NAALADL2: variants seen among roughly 807,000 people sequenced by gnomAD.
NAALADL2 encodes the protein N-acetylated alpha-linked acidic dipeptidase like 2.
In NAALADL2, 76 loss-of-function variants were observed where a neutral mutation model predicts 87.2. That is an observed-to-expected ratio of 0.87 (90% CI 0.72 to 1.05). The LOEUF is 1.05. Ranked by LOEUF, NAALADL2 falls within the 50% of genes least tolerant of loss-of-function variation. The pLI is 0.00. For synonymous variants in NAALADL2, 354 were observed against 331.0 expected (o/e 1.07, Z -0.75); for missense variants, 1,089 against 945.8 (o/e 1.15, Z -1.99).
chr3:175,107,152 G>A (rs1186084095), intron 2 of NAALADL2, among the ~76,000 whole-genome samples: 1 of 151,930 alleles, frequency 6.6e-6, no homozygotes, highest in Non-Finnish European at 1.5e-5. Flanking sequence ...TAGCAACTAG[G>A]CTAATACATG....
rs1022551381 is a variant in NAALADL2 at position 175,804,025 on chromosome 3, C to T, written c.*822C>T. ...TCTGTTGGAAACACTGAAGCAGGGACTCTAAAATGAAAGCATCTCACATTG... is the reference window on the plus strand; with the variant it reads ...TCTGTTGGAAACACTGAAGCAGGGATTCTAAAATGAAAGCATCTCACATTG... On this transcript the variant is annotated 3_prime_UTR_variant, in exon 14 of 14. Transcript: ENST00000454872. The T allele has an allele frequency of 3.3e-5, 5 of 152,040 alleles. No homozygotes were observed. The highest frequency in any genetic ancestry group is 5.9e-5 in the Non-Finnish European group (4 of 67,854). 9.4% of individuals were successfully genotyped at this position (152,040 alleles called of 1,614,324 possible).
chr3:175,602,495 ATG>A (rs10557737), intron 10 of NAALADL2, among the ~76,000 whole-genome samples: 1,747 of 151,332 alleles, frequency 0.012, 31 homozygotes, highest in African/African-American at 0.04. Context: ...GCTAAATATA[ATG>A]TGTGTGTGTA....
intron 2 of NAALADL2, among the ~76,000 whole-genome samples, chr3:174,725,752 A>G: frequency 6.6e-6 from 1 of 152,224 alleles, no homozygotes; most frequent in East Asian, 1.9e-4. Flanking sequence ...TGCCAGAAAC[A>G]TTTCAGAAAT....
chr3:175,072,235 T>A (rs944579730), intron 1 of NAALADL2, among the ~76,000 whole-genome samples: 1 of 152,108 alleles, frequency 6.6e-6, no homozygotes, highest in Non-Finnish European at 1.5e-5. Flanking sequence ...ATTCACATGT[T>A]TATCCTGCCA....
Position 174,504,166 on chromosome 3 carries a change from A to G in NAALADL2, c.-183-46403A>G, listed in dbSNP as rs1209512808. Among the ~76,000 whole-genome samples, 3 of 152,150 alleles carry G rather than the reference A, an allele frequency of 2.0e-5. No homozygotes were observed. The East Asian group carries it at 5.8e-4, about 29-fold the overall frequency. ...ATATTTTGCCAGTGGTTGGACAAAT[A>G]AAGATCAGGTAAAAGATTCATTTGT... On this transcript the variant is annotated intron_variant, in intron 1 of 3. Transcript: ENST00000434257.
chr3:174,955,185 A>G (rs1252911815), intron 1 of NAALADL2, among the ~76,000 whole-genome samples: 2 of 152,052 alleles, frequency 1.3e-5, no homozygotes, highest in East Asian at 1.9e-4. Flanking sequence ...CTACTTATAC[A>G]TAAACTTTTC....
At chr3:175,680,959 A>G (rs1348436413) in intron 11 of NAALADL2, among the ~76,000 whole-genome samples, 2 of 152,080 alleles carry the variant, frequency 1.3e-5, no homozygotes, top group African/African-American at 4.8e-5. Context: ...CTAACATACA[A>G]AAAATTAGCT....
At chr3:174,599,821 T>C (rs1322558231) in intron 2 of NAALADL2, among the ~76,000 whole-genome samples, 4 of 152,112 alleles carry the variant, frequency 2.6e-5, no homozygotes, top group African/African-American at 9.7e-5. Flanking sequence ...AAATCCCTGG[T>C]ATTTGACCTG....
At chr3:175,261,571 GC>G (rs1751047735) in intron 4 of NAALADL2, among the ~76,000 whole-genome samples, 1 of 151,844 alleles carries the variant, frequency 6.6e-6, no homozygotes, top group Non-Finnish European at 1.5e-5. Flanking sequence ...AAACTCTATT[GC>G]TTTTTTTTAT....
intron 5 of NAALADL2, among the ~76,000 whole-genome samples, chr3:175,325,423 C>T (rs374218246): frequency 3.0e-4 from 45 of 152,254 alleles, no homozygotes; most frequent in African/African-American, 1.1e-3. Context: ...CATGTCTTAT[C>T]GTTACAATTT....
chr3:174,627,704 G>T (rs955101259), intron 2 of NAALADL2, among the ~76,000 whole-genome samples: 6 of 152,184 alleles, frequency 3.9e-5, no homozygotes, highest in Non-Finnish European at 8.8e-5. Context: ...ATCAACAGAT[G>T]ACTGGATTAA....
rs549265563 is a variant in NAALADL2 at position 175,237,785 on chromosome 3, TC to T, written c.819+3582del. Among the ~76,000 whole-genome samples, 7 of 152,304 alleles carry T rather than the reference TC, an allele frequency of 4.6e-5. No individual in the cohort carries two copies. In the South Asian group the frequency reaches 1.4e-3, roughly 32 times the overall value. On this transcript the variant is annotated intron_variant, in intron 3 of 13. Transcript: ENST00000454872. ...TAACAATGGCCTTTTGTGTTGTTTTTCTGGGCATGTTGTATGACAATTTCTA... is the reference window on the plus strand; with the variant it reads ...TAACAATGGCCTTTTGTGTTGTTTTTTGGGCATGTTGTATGACAATTTCTA...
At chr3:175,191,564 CT>C (rs1738211432) in intron 2 of NAALADL2, among the ~76,000 whole-genome samples, 1 of 152,112 alleles carries the variant, frequency 6.6e-6, no homozygotes, top group Admixed American at 6.5e-5. Flanking sequence ...AAAGCACCCC[CT>C]GAATGATATA....
At chr3:174,882,595 A>G (rs996446508) in intron 1 of NAALADL2, among the ~76,000 whole-genome samples, 2 of 140,696 alleles carry the variant, frequency 1.4e-5, no homozygotes, top group Non-Finnish European at 3.0e-5. Context: ...ATATGTGTAT[A>G]TACACATACA....
chr3:174,767,228 C>T (rs207464091), intron 3 of NAALADL2, among the ~76,000 whole-genome samples: 3 of 152,106 alleles, frequency 2.0e-5, no homozygotes, highest in Non-Finnish European at 2.9e-5. Context: ...AGCACAGAGT[C>T]GATTTAATAA....
chr3:174,756,760 C>G lies in NAALADL2; in HGVS notation c.-9+19014C>G, dbSNP rs80151609. 5.5e-3 allele frequency among the ~76,000 whole-genome samples: 834 copies of G among 152,278 alleles called. 9 individuals are homozygous for G. Among genetic ancestry groups the G allele is most frequent in the African/African-American group, 0.019 (802 of 41,564 alleles). The stretch of plus-strand genomic sequence containing the variant: ...CTGCAGCACTTGATTTGCTCTGATT[C>G]CTGATCTCGCAGCCACAGTGACCTA... On this transcript the variant is annotated intron_variant, in intron 3 of 3. Coordinates refer to the NAALADL2 transcript ENST00000434257.
At position 174,953,068 on chromosome 3, in the gene NAALADL2, A is replaced by T. The variant is rs896445583; in HGVS notation, c.43+93618A>T. On this transcript the variant is annotated intron_variant, in intron 1 of 13. Coordinates refer to ENST00000454872, the MANE Select transcript of NAALADL2 (RefSeq NM_207015.3). Reference sequence around the variant, plus strand: ...TTAATCCTTACAACAACCCTGTGGGAAGTTACTATTATTATAAGAATCCCA... The same window carrying T: ...TTAATCCTTACAACAACCCTGTGGGTAGTTACTATTATTATAAGAATCCCA... 5.3e-5 allele frequency among the ~76,000 whole-genome samples: 8 copies of T among 152,072 alleles called. No homozygotes were observed. The South Asian group carries it at 1.5e-3, about 28-fold the overall frequency.
intron 2 of NAALADL2, among the ~76,000 whole-genome samples, chr3:174,609,961 G>C (rs374951213): frequency 8.6e-5 from 13 of 151,930 alleles, no homozygotes; most frequent in South Asian, 2.1e-4. Flanking sequence ...GGTACCAAAA[G>C]AGAGATATAG....
chr3:174,677,829 C>A (rs943041903), intron 2 of NAALADL2, among the ~76,000 whole-genome samples: 2 of 151,456 alleles, frequency 1.3e-5, no homozygotes, highest in Non-Finnish European at 2.9e-5. Flanking sequence ...TACTAGACAG[C>A]ACTTCAGCAC....
Sources: gnomAD v4.1 joint callset for allele counts (sites outside exome capture counted in the v4.1 genomes callset) on GRCh38, gnomAD v4.1.1 for gene constraint, MANE v1.5 for transcripts, NCBI Gene and HGNC (gene_info 2026-07-23, HGNC 2026-07-21) for gene names.